Variants in FAM53A observed in about 807,000 individuals in gnomAD.
The protein encoded by FAM53A is protein FAM53A.
A neutral mutation model predicts 26.6 loss-of-function variants in FAM53A; 28 were observed. The observed-to-expected ratio is 1.05, with a 90% CI of 0.78 to 1.45. The LOEUF (loss-of-function observed/expected upper bound fraction) is 1.45. Among genes scored for constraint, FAM53A ranks in the 40% most tolerant of loss-of-function variants. FAM53A has a pLI of 0.00. For synonymous variants in FAM53A, 290 were observed against 253.1 expected (o/e 1.15, Z -1.38); for missense variants, 650 against 575.8 (o/e 1.13, Z -1.32).
chr4:1,681,576 A>G (rs1385674892), intron 1 of FAM53A, among the ~76,000 whole-genome samples: 1 of 147,732 alleles, frequency 6.8e-6, no homozygotes, highest in African/African-American at 2.5e-5. Flanking sequence ...GGCTCACTGC[A>G]GCCTCCACCT....
the FAM53A span, among the ~76,000 whole-genome samples, chr4:1,591,721 A>C: frequency 6.6e-6 from 1 of 152,160 alleles, no homozygotes; most frequent in African/African-American, 2.4e-5. Flanking sequence ...GGGGCCTGGG[A>C]GTCCCTGGAG....
At chr4:1,658,817 C>T (rs1020365883) in intron 2 of FAM53A, among the ~76,000 whole-genome samples, 17 of 152,226 alleles carry the variant, frequency 1.1e-4, no homozygotes, top group South Asian at 2.1e-4. Context: ...GCCCGGCAAG[C>T]TCCCTAACCT....
the FAM53A span, among the ~76,000 whole-genome samples, chr4:1,608,050 C>T: frequency 3.9e-5 from 6 of 151,998 alleles, no homozygotes; most frequent in East Asian, 1.9e-4. Context: ...AGGCGGAGGT[C>T]GCAGTGAGCC....
At chr4:1,594,662 G>A in the FAM53A span, among the ~76,000 whole-genome samples, 1 of 152,082 alleles carries the variant, frequency 6.6e-6, no homozygotes, top group African/African-American at 2.4e-5. Flanking sequence ...GGGCAACATA[G>A]GGAGACTCCA....
the FAM53A span, among the ~76,000 whole-genome samples, chr4:1,588,334 C>A: frequency 6.6e-6 from 1 of 152,216 alleles, no homozygotes; most frequent in Non-Finnish European, 1.5e-5. Flanking sequence ...CAGTGCCCTT[C>A]CCTTCAAGAG....
the FAM53A span, among the ~76,000 whole-genome samples, chr4:1,593,238 C>A: frequency 2.0e-5 from 3 of 152,166 alleles, no homozygotes; most frequent in Admixed American, 6.5e-5. Flanking sequence ...GGTCTGCAAC[C>A]CAGACGTTTG....
chr4:1,597,240 T>A, the FAM53A span, among the ~76,000 whole-genome samples: 1 of 150,668 alleles, frequency 6.6e-6, no homozygotes, highest in Admixed American at 6.6e-5. Context: ...CTATCAGGGG[T>A]CCCCCTCGAG....
At chr4:1,647,298 G>GC (rs1712332439) in intron 4 of FAM53A, among the ~76,000 whole-genome samples, 1 of 150,746 alleles carries the variant, frequency 6.6e-6, no homozygotes, top group South Asian at 2.1e-4. Flanking sequence ...TGGCACCATT[G>GC]CACTCCAGCC....
the FAM53A span, among the ~76,000 whole-genome samples, chr4:1,610,007 A>C: frequency 1.2e-4 from 19 of 152,128 alleles, no homozygotes; most frequent in Admixed American, 3.3e-4. Flanking sequence ...ACAGTTCTTT[A>C]TAGCAGCATG....
At chr4:1,595,608 C>CCTTGT in the FAM53A span, among the ~76,000 whole-genome samples, 1 of 152,222 alleles carries the variant, frequency 6.6e-6, no homozygotes, top group Non-Finnish European at 1.5e-5. Flanking sequence ...ACCAAGCAGC[C>CCTTGT]CTTGTCCTGT....
At position 1,670,466 on chromosome 4, in the gene FAM53A, C is replaced by T. The variant is rs185018434; in HGVS notation, c.-164-1561G>A. Among the ~76,000 whole-genome samples the T allele has an allele frequency of 5.9e-5, 9 of 152,366 alleles. No individual in the cohort carries two copies. The East Asian group carries it at 1.7e-3, about 29-fold the overall frequency. On this transcript the variant is annotated intron_variant, in intron 1 of 4. Transcript: ENST00000308132. ...GGTCCAGGGGACTGGGCAGACCAAA[C>T]CCAGGCAGGGTCTGTGCACAGGTCC...
chr4:1,660,762 G>A (rs1713770343), intron 2 of FAM53A, among the ~76,000 whole-genome samples: 1 of 151,862 alleles, frequency 6.6e-6, no homozygotes, highest in African/African-American at 2.4e-5. Flanking sequence ...GGTGGCGAGT[G>A]CCTGTAGTCC....
At chr4:1,641,798 G>A (rs939517598) in intron 4 of FAM53A, among the ~76,000 whole-genome samples, 191 bp from the exon 5 acceptor site, 3 of 151,836 alleles carry the variant, frequency 2.0e-5, no homozygotes, top group Admixed American at 6.6e-5. Context: ...GCCCATGCCC[G>A]CCCCAGCCCA....
chr4:1,603,589 T>C, the FAM53A span, among the ~76,000 whole-genome samples: 1 of 152,094 alleles, frequency 6.6e-6, no homozygotes. Context: ...ACCCTGGCAC[T>C]GGAGGGGTCC....
the FAM53A span, among the ~76,000 whole-genome samples, chr4:1,577,931 G>A: frequency 6.6e-6 from 1 of 151,974 alleles, no homozygotes; most frequent in Non-Finnish European, 1.5e-5. Flanking sequence ...GAGGGGCTGC[G>A]GGGGTGCAGG....
chr4:1,655,478 C>A lies in FAM53A; in HGVS notation c.382G>T (p.Glu128Ter). The stretch of plus-strand genomic sequence containing the variant: ...GGGGACCGGCAGCGCACAAGCTCCT[C>A]GGGTTCTGACAAGGACCGGCAATGC... ...KRHCRSLSEP[E>*]ELVRCRSPWR... The change falls in exon 4 of 5, where the codon GAG becomes TAG. Residue 128 changes from glutamate (E) to a stop codon, truncating the protein, a stop_gained. Coordinates refer to ENST00000308132, the MANE Select transcript of FAM53A (RefSeq NM_001174070.3). LOFTEE classifies it high-confidence loss of function. The A allele has an allele frequency of 6.4e-7, 1 of 1,573,446 alleles. No individual in the cohort carries two copies. The highest frequency in any genetic ancestry group is 1.4e-5 in the African/African-American group (1 of 73,188).
downstream of FAM53A, among the ~76,000 whole-genome samples, chr4:1,615,378 G>A (rs192866738): frequency 3.0e-5 from 4 of 132,252 alleles, no homozygotes; most frequent in East Asian, 2.5e-4. Flanking sequence ...GCACACACAC[G>A]GAAGACAGGA....
the FAM53A span, among the ~76,000 whole-genome samples, chr4:1,603,404 G>A: frequency 6.6e-6 from 1 of 152,210 alleles, no homozygotes; most frequent in Non-Finnish European, 1.5e-5. Context: ...CACAGCAACA[G>A]AGAGGCGGGG....
At chr4:1,601,021 C>T in the FAM53A span, among the ~76,000 whole-genome samples, 1 of 152,124 alleles carries the variant, frequency 6.6e-6, no homozygotes, top group South Asian at 2.1e-4. Flanking sequence ...AGGCAGACGC[C>T]CCCCAGGGCC....
Sources: allele counts gnomAD v4.1 joint callset (sites outside exome capture counted in the v4.1 genomes callset), GRCh38; gene constraint gnomAD v4.1.1; transcripts MANE v1.5; gene names NCBI Gene and HGNC (gene_info 2026-07-23, HGNC 2026-07-21).